RAPGEF1: variants seen among roughly 807,000 people sequenced by gnomAD.
RAPGEF1 encodes CRK SH3-binding GNRP.
A neutral mutation model predicts 143.3 loss-of-function variants in RAPGEF1; 33 were observed. That is an observed-to-expected ratio of 0.23 (90% CI 0.17 to 0.31). RAPGEF1 has a LOEUF of 0.31. Ranked by LOEUF, RAPGEF1 falls within the 10% of genes least tolerant of loss-of-function variation. RAPGEF1 has a pLI of 1.00. For missense variants in RAPGEF1, 1,199 were observed against 1,645.4 expected (o/e 0.73, Z 4.69); for synonymous variants, 629 against 676.5 (o/e 0.93, Z 1.09).
At chr9:131,725,506 C>G (rs961348154) in intron 1 of RAPGEF1, 4 of 151,716 alleles carry the variant, frequency 2.6e-5, no homozygotes, top group African/African-American at 4.8e-5. Flanking sequence ...TCACCCAGGC[C>G]AGAGCGCAGC....
chr9:131,732,520 G>A (rs1239678312), intron 1 of RAPGEF1, among the ~76,000 whole-genome samples: 2 of 152,192 alleles, frequency 1.3e-5, no homozygotes, highest in African/African-American at 4.8e-5. Flanking sequence ...AGAACCGAGT[G>A]GCGGCTCAGC....
chr9:131,689,120 A>C (rs1246808569), intron 1 of RAPGEF1, among the ~76,000 whole-genome samples: 1 of 152,236 alleles, frequency 6.6e-6, no homozygotes, highest in East Asian at 1.9e-4. Context: ...ATGGAACAGA[A>C]AATGGAAAGA....
chr9:131,595,724 G>A (rs1564478008), intron 17 of RAPGEF1, among the ~76,000 whole-genome samples: 1 of 152,002 alleles, frequency 6.6e-6, no homozygotes, highest in Non-Finnish European at 1.5e-5. Context: ...CCAACAAGAC[G>A]TTTTAGGGAT....
intron 1 of RAPGEF1, among the ~76,000 whole-genome samples, chr9:131,664,673 A>C (rs1830147495): frequency 6.6e-6 from 1 of 152,226 alleles, no homozygotes; most frequent in Non-Finnish European, 1.5e-5. Flanking sequence ...ACTAAAGGTA[A>C]AAGTTCAAGA....
chr9:131,591,879 C>T (rs562300769), intron 18 of RAPGEF1, among the ~76,000 whole-genome samples: 58 of 152,334 alleles, frequency 3.8e-4, no homozygotes, highest in Admixed American at 9.8e-4. Context: ...TCATTTCACT[C>T]GGCCCTTTTA....
chr9:131,726,110 A>G (rs536037004), intron 1 of RAPGEF1, among the ~76,000 whole-genome samples: 1 of 152,170 alleles, frequency 6.6e-6, no homozygotes, highest in Non-Finnish European at 1.5e-5. Context: ...TATTTCTAGC[A>G]AACAGACAGA....
intron 1 of RAPGEF1, among the ~76,000 whole-genome samples, chr9:131,683,617 A>T (rs1281811455): frequency 1.3e-5 from 2 of 152,254 alleles, no homozygotes; most frequent in African/African-American, 4.8e-5. Flanking sequence ...TTCCTGCAGT[A>T]AACAACCTGC....
At chr9:131,737,422 C>T (rs199899788) in intron 1 of RAPGEF1, 13 of 1,613,788 alleles carry the variant, frequency 8.1e-6, no homozygotes, top group Non-Finnish European at 9.3e-6. Context: ...CATGGCAGCA[C>T]GGTCGCTCGG....
In RAPGEF1 at chr9:131,650,543, A is replaced by G. The variant is rs1226721914; in HGVS notation, c.201+267T>C. Among the ~76,000 whole-genome samples, 1 of 152,122 alleles carries G rather than the reference A, an allele frequency of 6.6e-6. No individual in the cohort carries two copies. The highest frequency in any genetic ancestry group is 2.4e-5 in the African/African-American group (1 of 41,452). On this transcript the variant is annotated intron_variant, in intron 2 of 26. Transcript: ENST00000683357. This position sits in a 1 kb window ranked among gnomAD's most constrained non-coding sequence, Gnocchi z 4.7. Reference sequence around the variant, plus strand: ...GGCAGCAGCCTGGGGTGTGGACATGATGTGCTGAGCTGTTTTAAATGCCCA... The same window carrying G: ...GGCAGCAGCCTGGGGTGTGGACATGGTGTGCTGAGCTGTTTTAAATGCCCA...
chr9:131,588,971 T>G lies in RAPGEF1; in HGVS notation c.2883A>C (p.Thr961=), dbSNP rs1449632583. ...CCATCAGCAGCTTCAGGATCTCTTC[T>G]GTCAACTCCACCAGGCTGAAGGACA... is the stretch of plus-strand genomic sequence containing the variant. The part of the protein sequence containing the change: ...VVDELCLVEL[T]EEILKLLMEL... Residue 961 remains threonine (T), a synonymous_variant, in exon 20 of 27, where the codon ACA becomes ACC. Coordinates refer to ENST00000683357, the MANE Select transcript of RAPGEF1 (RefSeq NM_001377935.1). 2 of 1,613,474 alleles carry G rather than the reference T, an allele frequency of 1.2e-6. No homozygotes were observed. Among genetic ancestry groups the G allele is most frequent in the African/African-American group, 2.7e-5 (2 of 74,916 alleles).
intron 14 of RAPGEF1, 62 bp from the exon 15 acceptor site, chr9:131,602,211 C>G (rs1956387478): frequency 2.4e-6 from 3 of 1,257,710 alleles, no homozygotes; most frequent in East Asian, 2.5e-5. Flanking sequence ...GCTCTGTCTT[C>G]CCAGCATTCC....
Position 131,628,231 on chromosome 9 carries a change from G to A in RAPGEF1, c.1018-135C>T, listed in dbSNP as rs2133037124. The A allele has an allele frequency of 2.3e-6, 2 of 865,998 alleles. No homozygotes were observed. Among genetic ancestry groups the A allele is most frequent in the Non-Finnish European group, 3.4e-6 (2 of 580,722 alleles). The allele number at this position is 865,998 out of a possible 1,614,324, so 53.6% of individuals were successfully genotyped here. ...AACTCAGAAACCACCTCTGACGTCAGTAGTCGAAGGACACATACAGCTGAG... is the reference window on the plus strand; with the variant it reads ...AACTCAGAAACCACCTCTGACGTCAATAGTCGAAGGACACATACAGCTGAG... On this transcript the variant is annotated intron_variant, in intron 8 of 26. Coordinates refer to ENST00000683357, the MANE Select transcript of RAPGEF1 (RefSeq NM_001377935.1). The surrounding 1 kb of genome is among the most constrained non-coding windows in gnomAD (Gnocchi z 5.7).
At chr9:131,623,730 G>C (rs576429620) in intron 10 of RAPGEF1, among the ~76,000 whole-genome samples, 2 of 152,202 alleles carry the variant, frequency 1.3e-5, no homozygotes, top group Non-Finnish European at 2.9e-5. Flanking sequence ...CACAAGGCTC[G>C]TCTGGCACAA....
intron 1 of RAPGEF1, among the ~76,000 whole-genome samples, chr9:131,723,260 A>G (rs1451568388): frequency 1.3e-5 from 2 of 152,220 alleles, no homozygotes; most frequent in African/African-American, 4.8e-5. Flanking sequence ...AATTATATAA[A>G]CATTGAAAAA....
Position 131,675,913 on chromosome 9 carries a change from T to A in RAPGEF1, c.62-24964A>T, listed in dbSNP as rs1832265724. On this transcript the variant is annotated intron_variant, in intron 1 of 26. Coordinates refer to ENST00000683357, the MANE Select transcript of RAPGEF1 (RefSeq NM_001377935.1). This position sits in a 1 kb window ranked among gnomAD's most constrained non-coding sequence, Gnocchi z 4.6. ...TGCTCAGTTTGACAAAAACTCAGTC[T>A]TTTTTTTTTTTTTAATCTCGCCCTG... Among the ~76,000 whole-genome samples the A allele has an allele frequency of 7.2e-6, 1 of 139,698 alleles. No individual in the cohort carries two copies. Among genetic ancestry groups the A allele is most frequent in the Non-Finnish European group, 1.6e-5 (1 of 62,978 alleles). 91.6% of individuals were successfully genotyped at this position (139,698 alleles called of 152,430 possible). A position where few individuals can be genotyped will look rare whatever the true frequency, so the allele number is the denominator to read the frequency against.
At chr9:131,601,749 C>T (rs1956308354) in intron 15 of RAPGEF1, among the ~76,000 whole-genome samples, 1 of 151,664 alleles carries the variant, frequency 6.6e-6, no homozygotes, top group African/African-American at 2.4e-5. Context: ...CTACAAAAAA[C>T]TAAAACAATC....
intron 1 of RAPGEF1, among the ~76,000 whole-genome samples, chr9:131,672,347 C>T (rs1385228191): frequency 6.6e-6 from 1 of 152,216 alleles, no homozygotes; most frequent in Non-Finnish European, 1.5e-5. Context: ...AATTTTAGGA[C>T]AACATTGTGT....
intron 1 of RAPGEF1, among the ~76,000 whole-genome samples, chr9:131,654,493 T>C (rs1396026371): frequency 6.6e-6 from 1 of 152,166 alleles, no homozygotes; most frequent in African/African-American, 2.4e-5. Context: ...GGAGGATCAC[T>C]TGAGCCCAGG....
At chr9:131,618,245 G>T (rs1262628986) in intron 12 of RAPGEF1, among the ~76,000 whole-genome samples, 2 of 152,240 alleles carry the variant, frequency 1.3e-5, no homozygotes, top group Admixed American at 1.3e-4. Context: ...ATGTGAACAA[G>T]CCCAGGCCAG....
Sources: allele counts gnomAD v4.1 joint callset (sites outside exome capture counted in the v4.1 genomes callset), GRCh38; gene constraint gnomAD v4.1.1; non-coding constraint Gnocchi (gnomAD v3.1); transcripts MANE v1.5; gene names NCBI Gene and HGNC (gene_info 2026-07-23, HGNC 2026-07-21).